The following LRP8 variants were observed in gnomAD, a reference collection of about 807,000 sequenced individuals.
LRP8 encodes low-density lipoprotein receptor-related protein 8.
A neutral mutation model predicts 111.6 loss-of-function variants in LRP8; 46 were observed. That is an observed-to-expected ratio of 0.41 (90% CI 0.33 to 0.53). The LOEUF (loss-of-function observed/expected upper bound fraction) is 0.53. Ranked by LOEUF, LRP8 falls within the 20% of genes least tolerant of loss-of-function variation. LRP8 has a pLI of 0.20. For synonymous variants in LRP8, 464 were observed against 511.2 expected, an observed-to-expected ratio of 0.91 and a Z score of 1.24; for missense variants, 959 against 1,297.4, an observed-to-expected ratio of 0.74 and a Z score of 4.01.
chr1:53,247,699 T>G (rs116185835), intron 18 of LRP8, among the ~76,000 whole-genome samples: 270 of 152,372 alleles, frequency 1.8e-3, no homozygotes, highest in African/African-American at 6.3e-3. Flanking sequence ...AGATTTAAAT[T>G]CTTTCCTATA....
intron 2 of LRP8, among the ~76,000 whole-genome samples, chr1:53,302,005 C>T (rs1180910949): frequency 6.6e-6 from 1 of 152,110 alleles, no homozygotes; most frequent in Non-Finnish European, 1.5e-5. Context: ...AAAACAAGGA[C>T]ACTGACCTTG....
intron 2 of LRP8, among the ~76,000 whole-genome samples, chr1:53,308,355 CT>C (rs1221518404): frequency 6.6e-6 from 1 of 152,208 alleles, no homozygotes; most frequent in Non-Finnish European, 1.5e-5. Flanking sequence ...TCACCCAGGT[CT>C]CCTGGGGAGC....
intron 15 of LRP8, among the ~76,000 whole-genome samples, 167 bp from the exon 16 acceptor site, chr1:53,255,352 G>A (rs955282162): frequency 1.3e-5 from 2 of 152,164 alleles, no homozygotes; most frequent in Non-Finnish European, 1.5e-5. Flanking sequence ...CACAACTCCT[G>A]TGAGGCAAGC....
In LRP8 at chr1:53,289,632, T is replaced by C; in HGVS notation, c.302A>G (p.Glu101Gly). The change falls in exon 3 of 19, where the codon GAA (glutamate) becomes GGA (glycine). Residue 101 changes from glutamate to glycine, a missense_variant. This residue lies in a region of LRP8 where 43 missense variants were observed against 92.4 expected (regional missense o/e 0.47). Coordinates refer to ENST00000306052, the MANE Select transcript of LRP8 (RefSeq NM_004631.5). ...FTCDNGHCIH[E>G]RWKCDGEEEC... ...CTCCTCGCCGTCACACTTCCACCGTTCGTGGATGCAGTGGCCGTTGTCACA... is the reference window on the plus strand; with the variant it reads ...CTCCTCGCCGTCACACTTCCACCGTCCGTGGATGCAGTGGCCGTTGTCACA... The C allele has an allele frequency of 6.2e-7, 1 of 1,613,484 alleles. No individual in the cohort carries two copies. The highest frequency in any genetic ancestry group is 1.3e-5 in the African/African-American group (1 of 74,996).
chr1:53,302,503 A>C (rs1651115248), intron 2 of LRP8, among the ~76,000 whole-genome samples: 1 of 152,038 alleles, frequency 6.6e-6, no homozygotes, highest in South Asian at 2.1e-4. Context: ...ACCACCCCGG[A>C]GTCTAACCAA....
intron 2 of LRP8, 127 bp downstream of exon 2, chr1:53,326,746 G>C (rs1350449343): frequency 2.1e-6 from 3 of 1,427,390 alleles, no homozygotes; most frequent in Non-Finnish European, 2.8e-6. Flanking sequence ...TTTCCCGGTC[G>C]CAGGCTCCGG....
At position 53,246,415 on chromosome 1, in the gene LRP8, C is replaced by T. The variant is rs1283509790; in HGVS notation, c.*603G>A. ...ACACACATACACATATAAACACACA[C>T]ATACACACACAGAGTCTGTGTGGTG... On this transcript the variant is annotated 3_prime_UTR_variant, in exon 19 of 19. Transcript: ENST00000306052. 2 of 152,292 alleles carry T rather than the reference C, an allele frequency of 1.3e-5. No homozygotes were observed. Among genetic ancestry groups the T allele is most frequent in the Non-Finnish European group, 2.9e-5 (2 of 68,140 alleles). 9.4% of individuals were successfully genotyped at this position (152,292 alleles called of 1,614,324 possible).
At chr1:53,274,895 A>G (rs79638976) in intron 6 of LRP8, 7,764 of 452,800 alleles carry the variant, frequency 0.017, 142 homozygotes, top group East Asian at 0.078. Flanking sequence ...GGCCCACAGG[A>G]GGCAAGCAGA....
intron 2 of LRP8, among the ~76,000 whole-genome samples, chr1:53,322,054 G>C (rs1433873723): frequency 6.6e-6 from 1 of 152,018 alleles, no homozygotes; most frequent in Non-Finnish European, 1.5e-5. Context: ...CAAGGGGTCC[G>C]GGTTGGCCTG....
chr1:53,246,764 C>T lies in LRP8; in HGVS notation c.*254G>A. The T allele has an allele frequency of 2.1e-6, 1 of 473,930 alleles. No individual in the cohort carries two copies. The allele number at this position is 473,930 out of a possible 1,614,324, so 29.4% of individuals were successfully genotyped here. On this transcript the variant is annotated 3_prime_UTR_variant, in exon 19 of 19. Coordinates refer to ENST00000306052, the MANE Select transcript of LRP8 (RefSeq NM_004631.5). ...GTCAGCAGTAGCCATTCCACGAATT[C>T]CTCATGGGTAGTGCAACCAGTTAAA...
chr1:53,242,714 AC>A lies in LRP8; in HGVS notation c.*4303del, dbSNP rs1477172132. 9.2e-5 allele frequency: 14 copies of A among 151,956 alleles called. No homozygotes were observed. The highest frequency in any genetic ancestry group is 1.6e-4 in the Non-Finnish European group (11 of 68,014). The allele number at this position is 151,956 out of a possible 1,614,324, so 9.4% of individuals were successfully genotyped here. ...GATGAAGTTTGCAAATCAGCACTTT[AC>A]CCCCAAATTAACAACAGCTTGTATG... On this transcript the variant is annotated 3_prime_UTR_variant, in exon 19 of 19. Coordinates refer to ENST00000306052, the MANE Select transcript of LRP8 (RefSeq NM_004631.5).
intron 1 of LRP8, 145 bp downstream of exon 1, chr1:53,327,644 G>T: frequency 7.9e-7 from 1 of 1,262,382 alleles, no homozygotes; most frequent in Non-Finnish European, 1.0e-6. Flanking sequence ...GGCAAATTCA[G>T]GAATAGCCGC....
At position 53,317,383 on chromosome 1, in the gene LRP8, A is replaced by G. The variant is rs1174023309; in HGVS notation, c.244+9490T>C. Among the ~76,000 whole-genome samples the G allele has an allele frequency of 1.3e-5, 2 of 152,172 alleles. No homozygotes were observed. The highest frequency in any genetic ancestry group is 4.8e-5 in the African/African-American group (2 of 41,444). On this transcript the variant is annotated intron_variant, in intron 2 of 18. Transcript: ENST00000306052. The surrounding 1 kb of genome is among the most constrained non-coding windows in gnomAD (Gnocchi z 4.9). ...CCGTGGCAGGCCCGGCTGGCTAACC[A>G]GCCCCACTGGGCCACTCAGGAAGCA...
intron 3 of LRP8, among the ~76,000 whole-genome samples, chr1:53,281,483 G>C (rs547624348): frequency 6.6e-6 from 1 of 152,312 alleles, no homozygotes; most frequent in Non-Finnish European, 1.5e-5. Flanking sequence ...TCCGTGGTTG[G>C]CTCCCTTCAG....
At chr1:53,286,869 A>T (rs1379423899) in intron 3 of LRP8, among the ~76,000 whole-genome samples, 1 of 152,362 alleles carries the variant, frequency 6.6e-6, no homozygotes, top group South Asian at 2.1e-4. Context: ...TAATAATACA[A>T]ATAACACTGC....
At chr1:53,269,308 TTTA>T (rs982207046) in intron 8 of LRP8, among the ~76,000 whole-genome samples, 1 of 151,622 alleles carries the variant, frequency 6.6e-6, no homozygotes, top group African/African-American at 2.4e-5. Flanking sequence ...TCCCTTTTTA[TTTA>T]TTATTATTAT....
Position 53,249,426 on chromosome 1 carries a change from T to G in LRP8, c.2807A>C (p.Gln936Pro), listed in dbSNP as rs751658240. The G allele has an allele frequency of 2.4e-5, 38 of 1,614,066 alleles. No individual in the cohort carries two copies. The Middle Eastern group carries it at 9.9e-4, about 42-fold the overall frequency. ...LPGEPRSQLH[Q>P]LPKNPLSELP... ...CTCGGAAAGAGGGTTCTTCGGGAGT[T>G]GGTGCAGCTGTGACCTTGGTTCCCC... The change falls in exon 18 of 19, where the codon CAA (glutamine) becomes CCA (proline). Residue 936 changes from glutamine (Q) to proline (P), a missense_variant. Transcript: ENST00000306052. This position sits in a 1 kb window ranked among gnomAD's most constrained non-coding sequence, Gnocchi z 4.1.
chr1:53,284,458 G>C (rs947743968), intron 3 of LRP8, among the ~76,000 whole-genome samples: 4 of 152,106 alleles, frequency 2.6e-5, no homozygotes, highest in African/African-American at 9.7e-5. Flanking sequence ...CCTATGACTA[G>C]AGCCTTGCCC....
Position 53,317,080 on chromosome 1 carries a change from G to A in LRP8, c.244+9793C>T, listed in dbSNP as rs60119380. On this transcript the variant is annotated intron_variant, in intron 2 of 18. Coordinates refer to ENST00000306052, the MANE Select transcript of LRP8 (RefSeq NM_004631.5). The surrounding 1 kb of genome is among the most constrained non-coding windows in gnomAD (Gnocchi z 4.9). ...TCTGAAGCACACACCCCAAGCACAC[G>A]CACATGTGCCCATGCCCATGGCCGA... Among the ~76,000 whole-genome samples, 332 of 150,360 alleles carry A rather than the reference G, an allele frequency of 2.2e-3. 1 individual carries two copies. The highest frequency in any genetic ancestry group is 6.8e-3 in the African/African-American group (282 of 41,280).
Sources: allele counts gnomAD v4.1 joint callset (sites outside exome capture counted in the v4.1 genomes callset), GRCh38; gene constraint gnomAD v4.1.1; regional missense constraint gnomAD v4.1.1; non-coding constraint Gnocchi (gnomAD v3.1); transcripts MANE v1.5; gene names NCBI Gene and HGNC (gene_info 2026-07-23, HGNC 2026-07-21).